CPOX: variants seen among roughly 807,000 people sequenced by gnomAD.
CPOX encodes oxygen-dependent coproporphyrinogen-III oxidase, mitochondrial.
A neutral mutation model predicts 48.9 loss-of-function variants in CPOX; 24 were observed. That is an observed-to-expected ratio of 0.49 (90% CI 0.36 to 0.69). CPOX has a LOEUF of 0.69. Among genes scored for constraint, CPOX ranks in the 30% least tolerant of loss-of-function variants. The probability of loss-of-function intolerance (pLI) is 0.00; values close to 1 mark genes in which losing one functional copy is unlikely to be tolerated. For missense variants in CPOX, 549 were observed against 597.3 expected (o/e 0.92, Z 0.84); for synonymous variants, 249 against 234.6 (o/e 1.06, Z -0.56).
chr3:98,591,603 A>C (rs890017821), intron 1 of CPOX, among the ~76,000 whole-genome samples: 1 of 152,232 alleles, frequency 6.6e-6, no homozygotes, highest in African/African-American at 2.4e-5. Context: ...ATTTACAAGC[A>C]ATTAAGAAAC....
At chr3:98,589,176 G>C (rs1707426297) in intron 3 of CPOX, among the ~76,000 whole-genome samples, 1 of 151,994 alleles carries the variant, frequency 6.6e-6, no homozygotes, top group Non-Finnish European at 1.5e-5. Context: ...ACAAAACATA[G>C]CCGGGTGTGG....
At chr3:98,575,933 G>A (rs760166309), downstream of CPOX, among the ~76,000 whole-genome samples, 1 of 151,992 alleles carries the variant, frequency 6.6e-6, no homozygotes, top group African/African-American at 2.4e-5. Flanking sequence ...TTAGCCGGGC[G>A]TGCTGGCACA....
chr3:98,578,083 T>C (rs554750973), downstream of CPOX: 1 of 167,332 alleles, frequency 6.0e-6, no homozygotes, highest in South Asian at 2.0e-4. Flanking sequence ...CCTGCATGCA[T>C]AAGACAGTTA....
chr3:98,577,907 T>G (rs1247825009), downstream of CPOX, among the ~76,000 whole-genome samples: 1 of 152,184 alleles, frequency 6.6e-6, no homozygotes, highest in Non-Finnish European at 1.5e-5. Flanking sequence ...AAAGAAACAT[T>G]TGGCTTTTCA....
At chr3:98,581,031 A>G (rs746785889) in intron 6 of CPOX, among the ~76,000 whole-genome samples, 28 of 152,046 alleles carry the variant, frequency 1.8e-4, no homozygotes, top group Non-Finnish European at 3.7e-4. Context: ...TTTAATATAA[A>G]CCAGGGTTTC....
downstream of CPOX, among the ~76,000 whole-genome samples, chr3:98,577,742 T>C (rs1707183801): frequency 6.6e-6 from 1 of 152,186 alleles, no homozygotes; most frequent in Admixed American, 6.5e-5. Context: ...GAATTCGTGC[T>C]CTGAGCCACC....
intron 5 of CPOX, among the ~76,000 whole-genome samples, chr3:98,582,240 T>G (rs927474183): frequency 1.3e-5 from 2 of 152,192 alleles, no homozygotes; most frequent in Non-Finnish European, 2.9e-5. Context: ...TGCATCTGCC[T>G]TTAACATAGG....
rs1040175486 is a variant in CPOX at position 98,579,911 on chromosome 3, G to C, written c.*772C>G. 1.0e-6 allele frequency: 1 copy of C among 985,494 alleles called. No individual in the cohort carries two copies. The highest frequency in any genetic ancestry group is 6.2e-5 in the Admixed American group (1 of 16,252). The allele number at this position is 985,494 out of a possible 1,614,324, so 61.0% of individuals were successfully genotyped here. A position where few individuals can be genotyped will look rare whatever the true frequency, so the allele number is the denominator to read the frequency against. On this transcript the variant is annotated 3_prime_UTR_variant, in exon 7 of 7. Transcript: ENST00000647941. ...TCTCAACTTCCACACAGAGATGTCT[G>C]AAATAGAAAACTCTTAAGTATCAGA...
At chr3:98,578,593 T>C (rs1346553318), downstream of CPOX, among the ~76,000 whole-genome samples, 1 of 152,208 alleles carries the variant, frequency 6.6e-6, no homozygotes. Context: ...TTTTGTCCCC[T>C]TTCACAAATC....
At position 98,579,595 on chromosome 3, in the gene CPOX, TA is replaced by T; in HGVS notation, c.*1087del. On this transcript the variant is annotated 3_prime_UTR_variant, in exon 7 of 7. Coordinates refer to ENST00000647941, the MANE Select transcript of CPOX (RefSeq NM_000097.7). ...GATATGTATGAGATGCTCTTCCTTA[TA>T]AACTTTATTACGAAGCAAATAAAAT... is the stretch of plus-strand genomic sequence containing the variant. The T allele has an allele frequency of 1.0e-6, 1 of 985,136 alleles. No homozygotes were observed. The highest frequency in any genetic ancestry group is 1.2e-6 in the Non-Finnish European group (1 of 829,624). The allele number at this position is 985,136 out of a possible 1,614,324, so 61.0% of individuals were successfully genotyped here.
rs149384011 is a variant in CPOX, at chr3:98,591,100, C to T, written c.612G>A (p.Gly204=). The T allele has an allele frequency of 3.3e-4, 526 of 1,614,030 alleles. 1 individual carries two copies. The highest frequency in any genetic ancestry group is 6.6e-4 in the Middle Eastern group (4 of 6,062). Residue 204 remains glycine (G), a synonymous_variant, in exon 2 of 7, where the codon GGG becomes GGA. Transcript: ENST00000647941. The stretch of plus-strand genomic sequence containing the variant: ...TTCCATGAACAACAGAAATGCTCAC[C>T]CCAGCCTTTTCGAAAACACACCCAT... ...LQDGCVFEKA[G]VSISVVHGNL... is the part of the protein sequence containing the mutation.
At chr3:98,573,552 C>T in the CPOX span, among the ~76,000 whole-genome samples, 1 of 139,404 alleles carries the variant, frequency 7.2e-6, no homozygotes, top group Non-Finnish European at 1.5e-5. Context: ...CTTTTCTTTA[C>T]TTTCTCCTCC....
intron 1 of CPOX, among the ~76,000 whole-genome samples, chr3:98,591,749 T>C (rs1200313417): frequency 1.3e-5 from 2 of 152,156 alleles, no homozygotes; most frequent in African/African-American, 4.8e-5. Flanking sequence ...TTCATGAAAG[T>C]TCATGTTTGG....
chr3:98,589,885 T>A (rs1576303874), intron 3 of CPOX: 2 of 153,698 alleles, frequency 1.3e-5, no homozygotes, highest in South Asian at 2.0e-4. Context: ...TGGAACTATG[T>A]GCACAGGAGG....
At chr3:98,592,882 T>A in intron 1 of CPOX, 67 bp downstream of exon 1, 1 of 1,519,702 alleles carries the variant, frequency 6.6e-7, no homozygotes, top group African/African-American at 1.4e-5. Context: ...TTATATTTTC[T>A]GTCTGCAACC....
rs1417240659 is a variant in CPOX at position 98,580,518 on chromosome 3, C to G, written c.*165G>C. ...GACAATCTGCCATCTCACCATTCATCACTGACAGCATCCAAAACATGTTAT... is the reference window on the plus strand; with the variant it reads ...GACAATCTGCCATCTCACCATTCATGACTGACAGCATCCAAAACATGTTAT... On this transcript the variant is annotated 3_prime_UTR_variant, in exon 7 of 7. Coordinates refer to ENST00000647941, the MANE Select transcript of CPOX (RefSeq NM_000097.7). 1 of 1,474,234 alleles carries G rather than the reference C, an allele frequency of 6.8e-7. No homozygotes were observed. Among genetic ancestry groups the G allele is most frequent in the Non-Finnish European group, 9.0e-7 (1 of 1,113,858 alleles). 91.3% of individuals were successfully genotyped at this position (1,474,234 alleles called of 1,614,324 possible). A position where few individuals can be genotyped will look rare whatever the true frequency, so the allele number is the denominator to read the frequency against.
chr3:98,585,869 C>A, intron 4 of CPOX: 1 of 561,500 alleles, frequency 1.8e-6, no homozygotes, highest in Non-Finnish European at 3.2e-6. Flanking sequence ...TCCTCTTTTT[C>A]TTTTCTTTTC....
At chr3:98,584,347 G>A (rs1707317275) in intron 5 of CPOX, among the ~76,000 whole-genome samples, 1 of 152,124 alleles carries the variant, frequency 6.6e-6, no homozygotes, top group African/African-American at 2.4e-5. Flanking sequence ...GGAGGAAAGA[G>A]TGGTAAAGGT....
At position 98,593,467 on chromosome 3, in the gene CPOX, C is replaced by T. The variant is rs1353158854; in HGVS notation, c.38G>A (p.Cys13Tyr). 1.3e-6 allele frequency: 2 copies of T among 1,508,666 alleles called. No homozygotes were observed. Among genetic ancestry groups the T allele is most frequent in the East Asian group, 2.6e-5 (1 of 37,850 alleles). The allele number at this position is 1,508,666 out of a possible 1,614,324, so 93.5% of individuals were successfully genotyped here. ...GCAGCCGCCCCGCGCCACGAGCCAG[C>T]AGGGGCCCGAGCTCAGCCTGCCCAG... ...LQLGRLSSGP[C>Y]WLVARGGCGG... Residue 13 changes from cysteine (C) to tyrosine (Y), a missense_variant, in exon 1 of 7, where the codon TGC becomes TAC. By Grantham distance (194) the Cys-to-Tyr change is radical. Around this residue, in one of 2 missense-constraint regions of CPOX, gnomAD observed 336 missense variants for 318.1 expected, o/e 1.06. Transcript: ENST00000647941.
Sources: gnomAD v4.1 joint callset for allele counts (sites outside exome capture counted in the v4.1 genomes callset) on GRCh38, gnomAD v4.1.1 for gene constraint, gnomAD v4.1.1 regional missense constraint, MANE v1.5 for transcripts, NCBI Gene and HGNC (gene_info 2026-07-23, HGNC 2026-07-21) for gene names.